EPC1: variants seen among roughly 807,000 people sequenced by gnomAD.
The protein encoded by EPC1 is enhancer of polycomb homolog 1.
A neutral mutation model predicts 98.4 loss-of-function variants in EPC1; 12 were observed. The ratio of observed to expected loss-of-function variants is 0.12; its 90% confidence interval spans 0.08 to 0.20. The LOEUF (loss-of-function observed/expected upper bound fraction) is 0.20. EPC1 is among the 10% of genes least tolerant of loss of function. The pLI is 1.00. For missense variants in EPC1, 729 were observed against 990.5 expected (o/e 0.74, Z 3.54); for synonymous variants, 357 against 363.9 (o/e 0.98, Z 0.21).
At chr10:32,349,477 T>G (rs1284950481), upstream of EPC1, among the ~76,000 whole-genome samples, 1 of 152,238 alleles carries the variant, frequency 6.6e-6, no homozygotes, top group African/African-American at 2.4e-5. Context: ...CATCATTCCT[T>G]TATCCGTCTC....
chr10:32,369,959 G>A (rs1057254592), intron 1 of EPC1, among the ~76,000 whole-genome samples: 5 of 152,054 alleles, frequency 3.3e-5, no homozygotes, highest in Non-Finnish European at 7.4e-5. Flanking sequence ...ATTATTTAAA[G>A]GATCATGATT....
intron 2 of EPC1, among the ~76,000 whole-genome samples, chr10:32,297,536 C>T (rs921417189): frequency 6.6e-6 from 1 of 152,064 alleles, no homozygotes; most frequent in Admixed American, 6.5e-5. Context: ...ATCTGCCCGC[C>T]TTGGCCTCCC....
At chr10:32,315,376 A>T (rs912359574) in intron 1 of EPC1, among the ~76,000 whole-genome samples, 9 of 152,348 alleles carry the variant, frequency 5.9e-5, no homozygotes, top group Middle Eastern at 3.4e-3. Context: ...GCAGATTCCT[A>T]AACAAAGATT....
rs749862993 is a variant in EPC1 at position 32,269,161 on chromosome 10, A to G, written c.2370-26T>C. The G allele has an allele frequency of 6.3e-6, 10 of 1,581,710 alleles. No individual in the cohort carries two copies. In the South Asian group the frequency reaches 8.9e-5, roughly 14 times the overall value. On this transcript the variant is annotated intron_variant, in intron 13 of 13. Transcript: ENST00000319778. ...CTGTTGAAATAAAGTTCAATCAATTACTTATCTACAACATAAATATTCAGC... is the reference window on the plus strand; with the variant it reads ...CTGTTGAAATAAAGTTCAATCAATTGCTTATCTACAACATAAATATTCAGC...
At chr10:32,332,347 T>C (rs12242767) in intron 1 of EPC1, among the ~76,000 whole-genome samples, 1,997 of 152,136 alleles carry the variant, frequency 0.013, 50 homozygotes, top group African/African-American at 0.046. Context: ...ATAGTTCAGT[T>C]CACTGAGCAG....
intron 1 of EPC1, among the ~76,000 whole-genome samples, chr10:32,336,254 G>A (rs1195824547): frequency 2.0e-5 from 3 of 151,920 alleles, no homozygotes; most frequent in Non-Finnish European, 1.5e-5. Flanking sequence ...ATTTTTAGTA[G>A]AGACTGGGTT....
intron 1 of EPC1, among the ~76,000 whole-genome samples, chr10:32,308,707 T>A (rs1026703226): frequency 6.6e-6 from 1 of 152,164 alleles, no homozygotes; most frequent in Non-Finnish European, 1.5e-5. Context: ...ACAGCCACTA[T>A]GGAAAACAGT....
intron 1 of EPC1, among the ~76,000 whole-genome samples, chr10:32,315,187 AT>A (rs1383689220): frequency 1.3e-5 from 2 of 152,164 alleles, no homozygotes; most frequent in African/African-American, 4.8e-5. Flanking sequence ...TAATGGACTC[AT>A]TGCCTGGTAT....
intron 10 of EPC1, chr10:32,283,452 G>A (rs1048835516): frequency 4.6e-5 from 7 of 152,140 alleles, no homozygotes; most frequent in African/African-American, 1.7e-4. Flanking sequence ...GAGACTACAG[G>A]CGCTCACCAC....
At chr10:32,346,341 C>T (rs1182276320) in intron 1 of EPC1, among the ~76,000 whole-genome samples, 1 of 152,206 alleles carries the variant, frequency 6.6e-6, no homozygotes, top group Non-Finnish European at 1.5e-5. Context: ...TGGAGCGCCA[C>T]CCAGCGGCCC....
In EPC1 at chr10:32,272,114, A is replaced by G; in HGVS notation, c.1917T>C (p.Ala639=). Reference sequence around the variant, plus strand: ...CCATCAGTTGTTCTGATGTCACCAAAGCAGAAGCAGCAAACTGTGCACTAG... The same window carrying G: ...CCATCAGTTGTTCTGATGTCACCAAGGCAGAAGCAGCAAACTGTGCACTAG... The part of the protein sequence containing the change: ...DSASAQFAAS[A]LVTSEQLMGF... The change falls in exon 12 of 14, where the codon GCT becomes GCC. Residue 639 remains alanine (A), a synonymous_variant. Transcript: ENST00000319778. 4 of 1,613,930 alleles carry G rather than the reference A, an allele frequency of 2.5e-6. No homozygotes were observed. Among genetic ancestry groups the G allele is most frequent in the East Asian group, 2.2e-5 (1 of 44,888 alleles).
intron 6 of EPC1, among the ~76,000 whole-genome samples, chr10:32,288,312 C>CTTTT (rs5784278): frequency 5.6e-5 from 7 of 124,092 alleles, no homozygotes; most frequent in African/African-American, 9.6e-5. Flanking sequence ...TTACTTTTTT[C>CTTTT]TTTTTTTTTT....
intron 1 of EPC1, among the ~76,000 whole-genome samples, chr10:32,368,278 C>T (rs1194537940): frequency 2.0e-5 from 3 of 152,218 alleles, no homozygotes; most frequent in South Asian, 2.1e-4. Flanking sequence ...GATTCCAAAC[C>T]CTCCCTGTGT....
At chr10:32,274,929 A>AC (rs1836006173) in intron 10 of EPC1, among the ~76,000 whole-genome samples, 2 of 152,158 alleles carry the variant, frequency 1.3e-5, no homozygotes. Flanking sequence ...AGAATCCTTG[A>AC]CTCACTAGAT....
intron 11 of EPC1, 197 bp downstream of exon 11, chr10:32,272,966 G>T: frequency 6.6e-7 from 1 of 1,519,624 alleles, no homozygotes; most frequent in Non-Finnish European, 9.1e-7. Context: ...AAGTGCTTTA[G>T]TTTTACTTTT....
At chr10:32,312,921 T>C (rs1836333604) in intron 1 of EPC1, among the ~76,000 whole-genome samples, 1 of 152,222 alleles carries the variant, frequency 6.6e-6, no homozygotes, top group Non-Finnish European at 1.5e-5. Flanking sequence ...TCAACAGATA[T>C]CTAATGACTT....
intron 6 of EPC1, among the ~76,000 whole-genome samples, chr10:32,289,723 A>G (rs1017978253): frequency 1.3e-5 from 2 of 151,322 alleles, no homozygotes; most frequent in Non-Finnish European, 2.9e-5. Context: ...TCCCAGGTTC[A>G]CGCCATTCTC....
intron 13 of EPC1, among the ~76,000 whole-genome samples, chr10:32,270,304 T>C (rs1214002054): frequency 6.6e-6 from 1 of 152,214 alleles, no homozygotes; most frequent in Non-Finnish European, 1.5e-5. Flanking sequence ...TCTCACTCTT[T>C]TATGCTTGTC....
At chr10:32,348,159 G>A (rs1263204884), upstream of EPC1, among the ~76,000 whole-genome samples, 4 of 152,124 alleles carry the variant, frequency 2.6e-5, no homozygotes, top group Non-Finnish European at 5.9e-5. Flanking sequence ...AAGACCTGTC[G>A]TACTCCCGCC....
Sources: gnomAD v4.1 joint callset for allele counts (sites outside exome capture counted in the v4.1 genomes callset) on GRCh38, gnomAD v4.1.1 for gene constraint, MANE v1.5 for transcripts, NCBI Gene and HGNC (gene_info 2026-07-23, HGNC 2026-07-21) for gene names.